The following ZNF804B variants were observed in gnomAD, a reference collection of about 807,000 sequenced individuals.
ZNF804B encodes the protein zinc finger protein 804B.
ZNF804B carries 80 observed loss-of-function variants against 101.4 expected under a neutral mutation model. The observed-to-expected ratio is 0.79, with a 90% CI of 0.66 to 0.95. The LOEUF is 0.95. ZNF804B is among the 40% of genes least tolerant of loss of function. The pLI, the probability that ZNF804B is intolerant of heterozygous loss-of-function variation, is 0.00. For missense variants in ZNF804B, 1,673 were observed against 1,561.9 expected (o/e 1.07, Z -1.20); for synonymous variants, 622 against 558.8 (o/e 1.11, Z -1.59).
chr7:88,832,807 A>C (rs1231904323), intron 1 of ZNF804B, among the ~76,000 whole-genome samples: 1 of 151,942 alleles, frequency 6.6e-6, no homozygotes, highest in African/African-American at 2.4e-5. Context: ...CCTGTGGGGA[A>C]GCAAAACAAA....
intron 2 of ZNF804B, among the ~76,000 whole-genome samples, chr7:89,303,510 C>A (rs1321317859): frequency 6.6e-6 from 1 of 151,846 alleles, no homozygotes; most frequent in Admixed American, 6.6e-5. Context: ...CAAATAAATT[C>A]TGTAAAATTA....
chr7:88,894,103 GT>G (rs1163070540), intron 1 of ZNF804B, among the ~76,000 whole-genome samples: 2 of 152,006 alleles, frequency 1.3e-5, no homozygotes, highest in African/African-American at 4.8e-5. Flanking sequence ...CATTATCAAA[GT>G]ATGGATAAAA....
chr7:89,168,901 A>C (rs1791184586), intron 1 of ZNF804B, among the ~76,000 whole-genome samples: 1 of 152,084 alleles, frequency 6.6e-6, no homozygotes, highest in South Asian at 2.1e-4. Context: ...GGCCACTCCC[A>C]AGATGGCAGG....
chr7:89,277,719 T>C (rs376498753), intron 2 of ZNF804B, among the ~76,000 whole-genome samples: 2 of 151,788 alleles, frequency 1.3e-5, no homozygotes, highest in Non-Finnish European at 2.9e-5. Flanking sequence ...ATGGTGTATA[T>C]GTGCCACATT....
chr7:88,919,489 G>A (rs1792688134), intron 1 of ZNF804B, among the ~76,000 whole-genome samples: 2 of 152,048 alleles, frequency 1.3e-5, no homozygotes, highest in African/African-American at 4.8e-5. Flanking sequence ...ACATCCATTT[G>A]GTCTCTTCTA....
At chr7:88,802,536 C>T (rs1334891552) in intron 1 of ZNF804B, among the ~76,000 whole-genome samples, 1 of 152,092 alleles carries the variant, frequency 6.6e-6, no homozygotes, top group Non-Finnish European at 1.5e-5. Flanking sequence ...GTAATTTTCT[C>T]TGAGATCTAA....
chr7:88,837,910 C>A (rs569502456), intron 1 of ZNF804B, among the ~76,000 whole-genome samples: 15 of 151,676 alleles, frequency 9.9e-5, no homozygotes, highest in African/African-American at 3.4e-4. Context: ...AATATATTTA[C>A]TTTCTACTAA....
intron 1 of ZNF804B, among the ~76,000 whole-genome samples, chr7:88,945,471 C>A (rs1054861447): frequency 6.6e-6 from 1 of 152,076 alleles, no homozygotes; most frequent in Admixed American, 6.6e-5. Context: ...GTACCAGTAC[C>A]ATGCTGTTTT....
At chr7:89,252,342 C>G (rs1789554842) in intron 2 of ZNF804B, among the ~76,000 whole-genome samples, 1 of 151,998 alleles carries the variant, frequency 6.6e-6, no homozygotes, top group South Asian at 2.1e-4. Flanking sequence ...TCACATCAGT[C>G]AGAATGGCTA....
intron 2 of ZNF804B, among the ~76,000 whole-genome samples, chr7:89,267,087 G>A (rs1789807955): frequency 6.6e-6 from 1 of 152,094 alleles, no homozygotes; most frequent in Non-Finnish European, 1.5e-5. Context: ...TTATCATTCT[G>A]CAGACCTTGA....
chr7:89,324,126 C>CAAAATATTAATTTTTCTCATTTCT (rs1562945757), intron 2 of ZNF804B, among the ~76,000 whole-genome samples: 3 of 151,872 alleles, frequency 2.0e-5, no homozygotes, highest in African/African-American at 7.3e-5. Flanking sequence ...TTTGGTGTAA[C>CAAAATATTAATTTTTCTCATTTCT]GTTTTCCGTA....
chr7:89,292,154 C>G (rs906162955), intron 2 of ZNF804B, among the ~76,000 whole-genome samples: 1 of 151,858 alleles, frequency 6.6e-6, no homozygotes, highest in Non-Finnish European at 1.5e-5. Flanking sequence ...AATAAAGGAA[C>G]TTTTTCAAAC....
intron 1 of ZNF804B, among the ~76,000 whole-genome samples, chr7:89,107,844 G>C (rs537104334): frequency 2.0e-5 from 3 of 152,146 alleles, no homozygotes; most frequent in Non-Finnish European, 4.4e-5. Context: ...AGCGGCATGG[G>C]GGGTATTCTC....
At chr7:89,012,081 C>CA (rs1491466488) in intron 1 of ZNF804B, among the ~76,000 whole-genome samples, 1 of 152,166 alleles carries the variant, frequency 6.6e-6, no homozygotes, top group African/African-American at 2.4e-5. Context: ...TCTGTGTACT[C>CA]ACACTTTCAA....
chr7:88,866,046 G>T (rs1268909308), intron 1 of ZNF804B, among the ~76,000 whole-genome samples: 1 of 152,112 alleles, frequency 6.6e-6, no homozygotes, highest in Non-Finnish European at 1.5e-5. Flanking sequence ...CTTGTCCACA[G>T]TAAGTAGTAA....
intron 1 of ZNF804B, among the ~76,000 whole-genome samples, chr7:88,821,749 G>C (rs558649527): frequency 7.0e-4 from 106 of 152,180 alleles, no homozygotes; most frequent in African/African-American, 2.4e-3. Flanking sequence ...AAAAGTATCT[G>C]TTTTGGCTAG....
chr7:88,782,347 G>A (rs917613586), intron 1 of ZNF804B, among the ~76,000 whole-genome samples: 4 of 151,934 alleles, frequency 2.6e-5, no homozygotes, highest in Admixed American at 6.6e-5. Context: ...AGCCTTTCTC[G>A]TACAGCACTG....
chr7:88,968,125 G>A (rs1190573980), intron 1 of ZNF804B, among the ~76,000 whole-genome samples: 1 of 140,964 alleles, frequency 7.1e-6, no homozygotes, highest in Non-Finnish European at 1.5e-5. Flanking sequence ...CAAAAATTAA[G>A]TCAAAGTTAA....
chr7:89,003,385 T>C (rs967563868), intron 1 of ZNF804B, among the ~76,000 whole-genome samples: 11 of 151,954 alleles, frequency 7.2e-5, no homozygotes, highest in African/African-American at 2.7e-4. Flanking sequence ...GTGTGCTTTA[T>C]TTTGCTAAGT....
Sources: gnomAD v4.1 joint callset for allele counts (sites outside exome capture counted in the v4.1 genomes callset) on GRCh38, gnomAD v4.1.1 for gene constraint, MANE v1.5 for transcripts, NCBI Gene and HGNC (gene_info 2026-07-23, HGNC 2026-07-21) for gene names.